Variants in TBC1D32 observed in about 807,000 individuals in gnomAD.
TBC1D32 encodes the protein protein broad-minded.
A neutral mutation model predicts 170.3 loss-of-function variants in TBC1D32; 151 were observed. That is an observed-to-expected ratio of 0.89 (90% confidence interval 0.78 to 1.01). TBC1D32 has a LOEUF of 1.01. Ranked by LOEUF, TBC1D32 falls within the 50% of genes least tolerant of loss-of-function variation. The pLI is 0.00. For missense variants in TBC1D32, 1,464 were observed against 1,457.1 expected, an observed-to-expected ratio of 1.00 and a Z score of -0.08; for synonymous variants, 498 against 488.0, an observed-to-expected ratio of 1.02 and a Z score of -0.27.
intron 22 of TBC1D32, among the ~76,000 whole-genome samples, chr6:121,194,155 G>A (rs190818492): frequency 4.6e-5 from 7 of 152,230 alleles, no homozygotes; most frequent in Non-Finnish European, 7.4e-5. Context: ...GGTAATTAAC[G>A]GAGTTTTAGC....
chr6:121,156,027 T>C (rs1784837964), intron 24 of TBC1D32, among the ~76,000 whole-genome samples: 2 of 152,060 alleles, frequency 1.3e-5, no homozygotes, highest in Non-Finnish European at 2.9e-5. Flanking sequence ...ATTGGCTTTG[T>C]AAAATAAGTT....
intron 13 of TBC1D32, among the ~76,000 whole-genome samples, chr6:121,283,609 G>T (rs184110065): frequency 4.7e-4 from 71 of 151,872 alleles, no homozygotes; most frequent in Non-Finnish European, 7.8e-4. Flanking sequence ...TAAATAAAAA[G>T]AGTAGTAGAG....
intron 13 of TBC1D32, 96 bp downstream of exon 13, chr6:121,283,722 C>T (rs1803373716): frequency 1.2e-6 from 1 of 848,776 alleles, no homozygotes. Flanking sequence ...ACCTACTTAC[C>T]AAAGTAGGTC....
At chr6:121,128,975 C>T (rs1214000850) in intron 25 of TBC1D32, among the ~76,000 whole-genome samples, 1 of 152,126 alleles carries the variant, frequency 6.6e-6, no homozygotes, top group African/African-American at 2.4e-5. Flanking sequence ...GGGAGCTGTC[C>T]TTCCCTGTAT....
At chr6:121,191,551 C>T (rs1790035254) in intron 22 of TBC1D32, among the ~76,000 whole-genome samples, 1 of 146,934 alleles carries the variant, frequency 6.8e-6, no homozygotes, top group South Asian at 2.1e-4. Context: ...AAAGAATGAG[C>T]GGAGACTATA....
chr6:121,087,274 A>G (rs1470627275), intron 31 of TBC1D32, among the ~76,000 whole-genome samples: 1 of 152,210 alleles, frequency 6.6e-6, no homozygotes, highest in Non-Finnish European at 1.5e-5. Flanking sequence ...CCCATAAACC[A>G]GTTCTGCCTA....
chr6:121,272,183 G>C (rs140915957), intron 15 of TBC1D32, among the ~76,000 whole-genome samples: 2,973 of 152,180 alleles, frequency 0.02, 98 homozygotes, highest in African/African-American at 0.068. Context: ...TTACCATTCA[G>C]GACATAGACA....
At chr6:121,284,151 C>T (rs551745700) in intron 12 of TBC1D32, among the ~76,000 whole-genome samples, 4 of 152,098 alleles carry the variant, frequency 2.6e-5, no homozygotes, top group African/African-American at 7.2e-5. Flanking sequence ...CCACTTATTT[C>T]GAACCAATCA....
chr6:121,090,174 C>A (rs939327382), intron 31 of TBC1D32, among the ~76,000 whole-genome samples: 6 of 152,184 alleles, frequency 3.9e-5, no homozygotes, highest in African/African-American at 1.2e-4. Context: ...CCTTGTGATC[C>A]GCCCGTCTCG....
intron 9 of TBC1D32, among the ~76,000 whole-genome samples, chr6:121,302,533 G>A (rs1258494897): frequency 1.3e-5 from 2 of 151,882 alleles, no homozygotes; most frequent in East Asian, 3.9e-4. Flanking sequence ...AAATATGACT[G>A]ATTTTGTTAA....
intron 22 of TBC1D32, among the ~76,000 whole-genome samples, chr6:121,161,283 G>T (rs141481907): frequency 8.5e-5 from 13 of 152,204 alleles, no homozygotes; most frequent in Non-Finnish European, 1.3e-4. Flanking sequence ...TTGCTGCACA[G>T]ATCATCCCAT....
At chr6:121,320,231 G>A (rs201066907) in intron 2 of TBC1D32, among the ~76,000 whole-genome samples, 5,955 of 131,408 alleles carry the variant, frequency 0.045, 252 homozygotes, top group East Asian at 0.12. Context: ...AAAAAACTGG[G>A]AAAAAAAAAA....
chr6:121,268,942 A>G (rs992334243), intron 15 of TBC1D32, among the ~76,000 whole-genome samples: 1 of 152,178 alleles, frequency 6.6e-6, no homozygotes, highest in Admixed American at 6.5e-5. Flanking sequence ...GCCAGAAGAG[A>G]GTAGCAGCCA....
At chr6:121,257,322 T>C (rs1799177793) in intron 15 of TBC1D32, among the ~76,000 whole-genome samples, 1 of 152,142 alleles carries the variant, frequency 6.6e-6, no homozygotes, top group South Asian at 2.1e-4. Context: ...TATCTGGATG[T>C]CCCAATTTTA....
chr6:121,205,160 T>C lies in TBC1D32; in HGVS notation c.2485A>G (p.Ile829Val), dbSNP rs1480524147. 2.1e-6 allele frequency: 3 copies of C among 1,417,476 alleles called. No individual in the cohort carries two copies. Among genetic ancestry groups the C allele is most frequent in the Non-Finnish European group, 2.9e-6 (3 of 1,040,960 alleles). The allele number at this position is 1,417,476 out of a possible 1,614,324, so 87.8% of individuals were successfully genotyped here. A position where few individuals can be genotyped will look rare whatever the true frequency, so the allele number is the denominator to read the frequency against. ...TTCAAAATTATAAGTCTATCAATAA[T>C]ATCCTGAAAAAGACAGACAAAATGA... is the stretch of plus-strand genomic sequence containing the variant. The part of the protein sequence containing the change: ...LREVPTCVID[I>V]IDRLIILNSE... Residue 829 changes from isoleucine (I) to valine (V), a missense_variant, in exon 22 of 32, where the codon ATT (isoleucine) becomes GTT (valine). Around this residue, in one of 3 missense-constraint regions of TBC1D32, gnomAD observed 1,363 missense variants for 1,338.1 expected, o/e 1.02. Coordinates refer to ENST00000398212, the MANE Select transcript of TBC1D32 (RefSeq NM_152730.6).
intron 20 of TBC1D32, among the ~76,000 whole-genome samples, chr6:121,232,656 C>T (rs1055997975): frequency 1.3e-5 from 2 of 151,906 alleles, no homozygotes; most frequent in Non-Finnish European, 2.9e-5. Flanking sequence ...AGGTATGTTC[C>T]TAAGTATTTT....
intron 30 of TBC1D32, among the ~76,000 whole-genome samples, chr6:121,092,692 C>G (rs1015431893): frequency 1.3e-5 from 2 of 152,096 alleles, no homozygotes; most frequent in Non-Finnish European, 2.9e-5. Context: ...TTCCCTGTGT[C>G]TTCACATGGA....
chr6:121,126,813 A>G (rs1456184852), intron 25 of TBC1D32, among the ~76,000 whole-genome samples: 2 of 152,126 alleles, frequency 1.3e-5, no homozygotes, highest in African/African-American at 4.8e-5. Flanking sequence ...CATAACAAAA[A>G]AAAAGTATTA....
intron 22 of TBC1D32, among the ~76,000 whole-genome samples, chr6:121,204,452 T>C (rs1420367067): frequency 6.6e-6 from 1 of 151,176 alleles, no homozygotes; most frequent in Admixed American, 6.6e-5. Flanking sequence ...ACTATGAAAA[T>C]GGAAAATTTC....
Sources: allele counts gnomAD v4.1 joint callset (sites outside exome capture counted in the v4.1 genomes callset), GRCh38; gene constraint gnomAD v4.1.1; regional missense constraint gnomAD v4.1.1; transcripts MANE v1.5; gene names NCBI Gene and HGNC (gene_info 2026-07-23, HGNC 2026-07-21).